Variants in TUBA3C observed in about 807,000 individuals in gnomAD.
The protein encoded by TUBA3C is tubulin alpha-3C chain.
A neutral mutation model predicts 33.4 loss-of-function variants in TUBA3C; 23 were observed. The observed-to-expected ratio is 0.69, with a 90% CI of 0.50 to 0.98. TUBA3C has a LOEUF of 0.98. Ranked by LOEUF, TUBA3C falls within the 50% of genes least tolerant of loss-of-function variation. TUBA3C has a pLI of 0.00. For missense variants in TUBA3C, 402 were observed against 616.0 expected (o/e 0.65, Z 3.68); for synonymous variants, 269 against 250.4 (o/e 1.07, Z -0.70).
rs1412624929 is a variant in TUBA3C at position 19,177,865 on chromosome 13, T to A, written c.376-258A>T. Among the ~76,000 whole-genome samples, 9 of 135,876 alleles carry A rather than the reference T, an allele frequency of 6.6e-5. No homozygotes were observed. The highest frequency in any genetic ancestry group is 2.4e-4 in the South Asian group (1 of 4,190). The allele number at this position is 135,876 out of a possible 152,430, so 89.1% of individuals were successfully genotyped here. A position where few individuals can be genotyped will look rare whatever the true frequency, so the allele number is the denominator to read the frequency against. On this transcript the variant is annotated intron_variant, in intron 3 of 4. Coordinates refer to ENST00000400113, the MANE Select transcript of TUBA3C (RefSeq NM_006001.3). This position sits in a 1 kb window ranked among gnomAD's most constrained non-coding sequence, Gnocchi z 5.0. ...TAAGTTGTTTTTTTTTTTTTTTTTT[T>A]AGATAGAATCTCACTCTGTTGCCCA...
At chr13:19,178,148 C>T (rs1238277369) in intron 3 of TUBA3C, 98 bp downstream of exon 3, 36 of 1,536,714 alleles carry the variant, frequency 2.3e-5, no homozygotes, top group Non-Finnish European at 2.7e-5. Context: ...ACCCAGCCAA[C>T]GCACTGGTCT....
At chr13:19,181,687 C>T in intron 1 of TUBA3C, 58 bp downstream of exon 1, 1 of 1,600,266 alleles carries the variant, frequency 6.2e-7, no homozygotes, top group Non-Finnish European at 8.5e-7. Flanking sequence ...CCTCAGGAGG[C>T]CAACTTCGTC....
intron 4 of TUBA3C, among the ~76,000 whole-genome samples, chr13:19,175,057 G>A (rs1206565146): frequency 6.6e-6 from 1 of 152,118 alleles, no homozygotes; most frequent in Non-Finnish European, 1.5e-5. Context: ...GACCATCCTA[G>A]CTAACATGGT....
rs767750955 is a variant in TUBA3C, at chr13:19,178,232, C to A, written c.375+14G>T. 7 of 1,613,830 alleles carry A rather than the reference C, an allele frequency of 4.3e-6. No individual in the cohort carries two copies. The highest frequency in any genetic ancestry group is 2.2e-5 in the East Asian group (1 of 44,886). The stretch of plus-strand genomic sequence containing the variant: ...TGTGCAGGACAATGGTCACATGAAG[C>A]CTTCTCTTCTTACCAGTTTGCGGAT... On this transcript the variant is annotated intron_variant, in intron 3 of 4. Coordinates refer to ENST00000400113, the MANE Select transcript of TUBA3C (RefSeq NM_006001.3).
rs769076105 is a variant in TUBA3C at position 19,181,787 on chromosome 13, G to C, written c.-40C>G. ...CTGCCGCAGCCCAACGCTACTACTTGACCTCAACCGCCGCTGCAGCTGCGC... is the reference window on the plus strand; with the variant it reads ...CTGCCGCAGCCCAACGCTACTACTTCACCTCAACCGCCGCTGCAGCTGCGC... On this transcript the variant is annotated 5_prime_UTR_variant, in exon 1 of 5. Transcript: ENST00000400113. 2.4e-5 allele frequency: 39 copies of C among 1,597,550 alleles called. No homozygotes were observed. The highest frequency in any genetic ancestry group is 1.3e-5 in the African/African-American group (1 of 74,870).
chr13:19,180,685 T>C lies in TUBA3C; in HGVS notation c.3+1060A>G, dbSNP rs150776578. The stretch of plus-strand genomic sequence containing the variant: ...TAATTTTTTGTATTTTTAGTAGAGA[T>C]GGGGTTTCACCGTGTTAGCCAGGAT... On this transcript the variant is annotated intron_variant, in intron 1 of 4. Coordinates refer to ENST00000400113, the MANE Select transcript of TUBA3C (RefSeq NM_006001.3). 3.3e-3 allele frequency among the ~76,000 whole-genome samples: 499 copies of C among 151,928 alleles called. 4 individuals carry two copies. The highest frequency in any genetic ancestry group is 6.1e-3 in the East Asian group (31 of 5,084).
rs113780307 is a variant in TUBA3C, at chr13:19,176,994, G to A, written c.989C>T (p.Ala330Val). Residue 330 changes from alanine to valine, a missense_variant, in exon 4 of 5, where the codon GCG becomes GTG. Coordinates refer to ENST00000400113, the MANE Select transcript of TUBA3C (RefSeq NM_006001.3). ...CTTGGTCTTGATGGTGGCGATGGCC[G>A]CGTTGACATCTTTCGGGACCACATC... ...RGDVVPKDVN[A>V]AIATIKTKRT... 84 of 1,614,022 alleles carry A rather than the reference G, an allele frequency of 5.2e-5. No individual in the cohort carries two copies. The highest frequency in any genetic ancestry group is 1.5e-4 in the Admixed American group (9 of 60,006).
chr13:19,180,794 C>T (rs1378185309), intron 1 of TUBA3C, among the ~76,000 whole-genome samples: 1 of 151,634 alleles, frequency 6.6e-6, no homozygotes, highest in Admixed American at 6.6e-5. Flanking sequence ...AGCGCCCGGC[C>T]GAAAAATTTA....
chr13:19,178,228 G>A lies in TUBA3C; in HGVS notation c.375+18C>T. ...CTCCTGTGCAGGACAATGGTCACAT[G>A]AAGCCTTCTCTTCTTACCAGTTTGC... On this transcript the variant is annotated intron_variant, in intron 3 of 4. Transcript: ENST00000400113. 1 of 1,613,888 alleles carries A rather than the reference G, an allele frequency of 6.2e-7. No individual in the cohort carries two copies. Among genetic ancestry groups the A allele is most frequent in the Non-Finnish European group, 8.5e-7 (1 of 1,179,844 alleles).
At chr13:19,178,179 C>T in intron 3 of TUBA3C, 67 bp downstream of exon 3, 4 of 1,590,394 alleles carry the variant, frequency 2.5e-6, no homozygotes, top group Non-Finnish European at 3.4e-6. Flanking sequence ...AAAATGACCT[C>T]CCCTTCACAA....
chr13:19,176,730 A>AAAAAAAAAAC (rs1869192164), intron 4 of TUBA3C, among the ~76,000 whole-genome samples, 197 bp downstream of exon 4: 1 of 96,466 alleles, frequency 1.0e-5, no homozygotes, highest in Non-Finnish European at 2.1e-5. Flanking sequence ...TGCCTCAAAA[A>AAAAAAAAAAC]AAAAAAAAAA....
intron 4 of TUBA3C, among the ~76,000 whole-genome samples, chr13:19,176,479 C>A (rs545496846): frequency 6.6e-6 from 1 of 152,054 alleles, no homozygotes; most frequent in Non-Finnish European, 1.5e-5. Flanking sequence ...CTGGGCCAGG[C>A]ACAGTGGCTC....
At chr13:19,180,713 T>A (rs551348060) in intron 1 of TUBA3C, among the ~76,000 whole-genome samples, 2 of 151,990 alleles carry the variant, frequency 1.3e-5, no homozygotes, top group Admixed American at 1.3e-4. Flanking sequence ...GCCAGGATGG[T>A]CTCGATCTCC....
chr13:19,174,303 T>C, intron 4 of TUBA3C, 144 bp from the exon 5 acceptor site: 1 of 1,281,614 alleles, frequency 7.8e-7, no homozygotes, highest in Non-Finnish European at 1.1e-6. Context: ...CCCTTCTCTG[T>C]GCCAGGCAGG....
In TUBA3C at chr13:19,177,846, G is replaced by GTTTTTT. The variant is rs5802006; in HGVS notation, c.376-245_376-240dup. ...AGGACTCAAGATACTGTTCTAAGTTGTTTTTTTTTTTTTTTTTTTAGATAG... is the reference window on the plus strand; with the variant it reads ...AGGACTCAAGATACTGTTCTAAGTTGTTTTTTTTTTTTTTTTTTTTTTTTTAGATAG... On this transcript the variant is annotated intron_variant, in intron 3 of 4. Coordinates refer to ENST00000400113, the MANE Select transcript of TUBA3C (RefSeq NM_006001.3). The surrounding 1 kb of genome is among the most constrained non-coding windows in gnomAD (Gnocchi z 5.0). Among the ~76,000 whole-genome samples, 4,876 of 128,228 alleles carry GTTTTTT rather than the reference G, an allele frequency of 0.038. 113 individuals are homozygous for GTTTTTT. Among genetic ancestry groups the GTTTTTT allele is most frequent in the Non-Finnish European group, 0.061 (3,659 of 60,330 alleles). 84.1% of individuals were successfully genotyped at this position (128,228 alleles called of 152,430 possible).
Position 19,173,896 on chromosome 13 carries a change from C to T in TUBA3C, c.1320G>A (p.Val440=). 7 of 1,614,088 alleles carry T rather than the reference C, an allele frequency of 4.3e-6. No individual in the cohort carries two copies. The highest frequency in any genetic ancestry group is 5.1e-6 in the Non-Finnish European group (6 of 1,180,014). Reference sequence around the variant, plus strand: ...CTTCACCTTCTTCAGCCTCGGCTTCCACGGAATCCACGCCCACCTCTTCAT... The same window carrying T: ...CTTCACCTTCTTCAGCCTCGGCTTCTACGGAATCCACGCCCACCTCTTCAT... ...KDYEEVGVDS[V]EAEAEEGEEY Residue 440 remains valine, a synonymous_variant, in exon 5 of 5, where the codon GTG becomes GTA. Coordinates refer to ENST00000400113, the MANE Select transcript of TUBA3C (RefSeq NM_006001.3).
At chr13:19,176,829 G>T (rs1055834461) in intron 4 of TUBA3C, 98 bp downstream of exon 4, 47 of 1,401,268 alleles carry the variant, frequency 3.4e-5, no homozygotes, top group Non-Finnish European at 4.3e-5. Context: ...TGGAATAGGG[G>T]TAGTATCCTC....
chr13:19,178,311 C>T lies in TUBA3C; in HGVS notation c.310G>A (p.Ala104Thr), dbSNP rs145210942. 486 of 1,614,160 alleles carry T rather than the reference C, an allele frequency of 3.0e-4. No individual in the cohort carries two copies. The highest frequency in any genetic ancestry group is 3.9e-4 in the Non-Finnish European group (455 of 1,180,042). Residue 104 changes from alanine (A) to threonine (T), a missense_variant, in exon 3 of 5, where the codon GCC (alanine) becomes ACC (threonine). Transcript: ENST00000400113. ...TTGCCGATGGTGTAATGGCCTCTGG[C>T]GTAATTATTGGCCGCATCTTCCTTC... ...TGKEDAANNY[A>T]RGHYTIGKEI...
At chr13:19,179,860 C>T (rs1335444133) in intron 1 of TUBA3C, among the ~76,000 whole-genome samples, 1 of 152,172 alleles carries the variant, frequency 6.6e-6, no homozygotes, top group Non-Finnish European at 1.5e-5. Context: ...ATCAAACCCA[C>T]ATTATAGCCA....
Sources: allele counts gnomAD v4.1 joint callset (sites outside exome capture counted in the v4.1 genomes callset), GRCh38; gene constraint gnomAD v4.1.1; non-coding constraint Gnocchi (gnomAD v3.1); transcripts MANE v1.5; gene names NCBI Gene and HGNC (gene_info 2026-07-23, HGNC 2026-07-21).